The following CILK1 variants were observed in gnomAD, a reference collection of about 807,000 sequenced individuals.
CILK1 encodes the protein ciliogenesis associated kinase 1.
In CILK1, 47 loss-of-function variants were observed where a neutral mutation model predicts 79.2. The ratio of observed to expected loss-of-function variants is 0.59; its 90% CI spans 0.47 to 0.76. The LOEUF is 0.76. Among genes scored for constraint, CILK1 ranks in the 30% least tolerant of loss-of-function variants. CILK1 has a pLI of 0.00. For missense variants in CILK1, 660 were observed against 769.5 expected (o/e 0.86, Z 1.68); for synonymous variants, 266 against 275.9 (o/e 0.96, Z 0.36).
intron 4 of CILK1, among the ~76,000 whole-genome samples, chr6:53,032,055 C>A (rs222453): frequency 0.93 from 141,365 of 152,266 alleles, 65,710 homozygotes; most frequent in East Asian, 1. Flanking sequence ...CTGGTCGTGA[C>A]CTCCTGACCT....
At chr6:53,055,386 T>C (rs754119567) in intron 1 of CILK1, among the ~76,000 whole-genome samples, 5 of 152,230 alleles carry the variant, frequency 3.3e-5, no homozygotes, top group Non-Finnish European at 7.3e-5. Flanking sequence ...TCTGCCTCTG[T>C]ACATTTTAGC....
chr6:53,026,845 T>C (rs1050383744), intron 5 of CILK1, among the ~76,000 whole-genome samples: 1 of 152,224 alleles, frequency 6.6e-6, no homozygotes, highest in Non-Finnish European at 1.5e-5. Context: ...GGAACAGACC[T>C]TCAATTTAAT....
intron 3 of CILK1, among the ~76,000 whole-genome samples, chr6:53,034,007 C>T (rs1043265295): frequency 1.3e-5 from 2 of 152,154 alleles, no homozygotes; most frequent in South Asian, 2.1e-4. Context: ...TTCTTTCGGT[C>T]GGGTTGGATT....
At position 53,052,928 on chromosome 6, in the gene CILK1, G is replaced by C. The variant is rs222447; in HGVS notation, c.-173+8668C>G. ...CCACAGTCCCCATTTTTTGCCTGTT[G>C]CCACTTGCCATTTTTTTTTTTTAGC... is the stretch of plus-strand genomic sequence containing the variant. On this transcript the variant is annotated intron_variant, in intron 1 of 13. Transcript: ENST00000676107. Among the ~76,000 whole-genome samples, 24 of 150,538 alleles carry C rather than the reference G, an allele frequency of 1.6e-4. 1 individual carries two copies.
At chr6:53,013,608 G>A (rs920729247) in intron 9 of CILK1, 54 bp downstream of exon 9, 1 of 1,504,156 alleles carries the variant, frequency 6.6e-7, no homozygotes, top group African/African-American at 1.4e-5. Context: ...CAATAATGGG[G>A]TCAGAAGAGG....
rs543243399 is a variant in CILK1 at position 53,018,459 on chromosome 6, G to A, written c.534C>T (p.Ser178=). The A allele has an allele frequency of 2.9e-4, 466 of 1,614,210 alleles. 6 individuals are homozygous for A. In the South Asian group the frequency reaches 4.9e-3, roughly 17 times the overall value. Residue 178 remains serine (S), a synonymous_variant, in exon 7 of 14, where the codon AGC becomes AGT. Transcript: ENST00000676107. ...CCACCGCCCAGACGTCAATGGGGGA[G>A]CTGTAGTTGGTAGACCTCAGGAGTA... is the stretch of plus-strand genomic sequence containing the variant. The part of the protein sequence containing the change: ...PEVLLRSTNY[S]SPIDVWAVGC...
chr6:53,008,144 T>C (rs1374831275), intron 12 of CILK1, among the ~76,000 whole-genome samples: 2 of 151,454 alleles, frequency 1.3e-5, no homozygotes, highest in South Asian at 2.1e-4. Context: ...TAAATTATGG[T>C]CCACATAAAT....
At position 53,041,209 on chromosome 6, in the gene CILK1, G is replaced by T. The variant is rs1766687785; in HGVS notation, c.28C>A (p.Leu10Ile). MNRYTTIRQ[L>I]GDGTYGSVLL... ...ACGGAACCGTAGGTTCCATCCCCGA[G>T]CTGCCTGATTGTTGTGTATCTATTC... Residue 10 changes from leucine to isoleucine, a missense_variant, in exon 2 of 14, where the codon CTC (leucine) becomes ATC (isoleucine). Coordinates refer to ENST00000676107, the MANE Select transcript of CILK1 (RefSeq NM_014920.5). 1.2e-6 allele frequency: 2 copies of T among 1,613,856 alleles called. No homozygotes were observed. Among genetic ancestry groups the T allele is most frequent in the Non-Finnish European group, 1.7e-6 (2 of 1,179,800 alleles).
Position 53,013,708 on chromosome 6 carries a change from G to A in CILK1, c.1106C>T (p.Pro369Leu), listed in dbSNP as rs779283711. 3.2e-6 allele frequency: 5 copies of A among 1,584,254 alleles called. No homozygotes were observed. Among genetic ancestry groups the A allele is most frequent in the Non-Finnish European group, 4.3e-6 (5 of 1,154,082 alleles). Residue 369 changes from proline to leucine, a missense_variant, in exon 9 of 14, where the codon CCA (proline) becomes CTA (leucine). Coordinates refer to ENST00000676107, the MANE Select transcript of CILK1 (RefSeq NM_014920.5). ...GAGGGATGGGAAAAGCAACGGGCTT[G>A]GCTTGTCCTCCTGGAGATGGCTTGG... ...DHPSHLQEDK[P>L]SPLLFPSLHN...
At position 53,005,205 on chromosome 6, in the gene CILK1, C is replaced by A. The variant is rs55932059; in HGVS notation, c.1843G>T (p.Ala615Ser). The change falls in exon 14 of 14, where the codon GCC becomes TCC. Residue 615 changes from alanine to serine, a missense_variant. Coordinates refer to ENST00000676107, the MANE Select transcript of CILK1 (RefSeq NM_014920.5). ...TPGLIPRPPA[A>S]QPVHGRTDWA... ...TCTGTCCGGCCATGCACTGGCTGGG[C>A]GGCTGGAGGCCGTGGTATCAACCCA... The A allele has an allele frequency of 3.1e-6, 5 of 1,614,082 alleles. No individual in the cohort carries two copies. Among genetic ancestry groups the A allele is most frequent in the Non-Finnish European group, 3.4e-6 (4 of 1,180,002 alleles).
intron 13 of CILK1, 51 bp from the exon 14 acceptor site, chr6:53,005,354 A>G (rs756161017): frequency 1.6e-5 from 25 of 1,597,728 alleles, no homozygotes; most frequent in Non-Finnish European, 1.4e-5. Context: ...CAATGTAAGC[A>G]AAGTACAAAT....
intron 1 of CILK1, among the ~76,000 whole-genome samples, chr6:53,044,566 T>C (rs1467778873): frequency 2.0e-5 from 3 of 152,148 alleles, no homozygotes; most frequent in Non-Finnish European, 4.4e-5. Context: ...AAAAATTTTG[T>C]GTGCATTGCG....
chr6:53,010,691 C>G (rs1186713440), intron 11 of CILK1, among the ~76,000 whole-genome samples: 1 of 152,232 alleles, frequency 6.6e-6, no homozygotes, highest in African/African-American at 2.4e-5. Context: ...CTGCCCTCAG[C>G]TCTCTGCACA....
intron 1 of CILK1, among the ~76,000 whole-genome samples, chr6:53,041,786 G>A (rs895719993): frequency 2.0e-5 from 3 of 152,170 alleles, no homozygotes. Context: ...GTGGGTGTGT[G>A]AATGTGCCCT....
intron 5 of CILK1, among the ~76,000 whole-genome samples, chr6:53,020,469 T>C (rs977712257): frequency 6.6e-6 from 1 of 152,236 alleles, no homozygotes; most frequent in Non-Finnish European, 1.5e-5. Flanking sequence ...GAGTATTCCC[T>C]ACTCTGAAAA....
At chr6:53,012,795 C>A (rs1764653761) in intron 9 of CILK1, among the ~76,000 whole-genome samples, 1 of 152,206 alleles carries the variant, frequency 6.6e-6, no homozygotes, top group African/African-American at 2.4e-5. Context: ...TGGGAGCCAG[C>A]AGTCAGCAAA....
At chr6:53,050,840 T>C (rs1490829480) in intron 1 of CILK1, among the ~76,000 whole-genome samples, 1 of 152,142 alleles carries the variant, frequency 6.6e-6, no homozygotes, top group East Asian at 1.9e-4. Context: ...AAAAAAATTT[T>C]TTTTAATTTA....
chr6:53,048,466 A>G (rs908512934), intron 1 of CILK1, among the ~76,000 whole-genome samples: 1 of 152,240 alleles, frequency 6.6e-6, no homozygotes, highest in Non-Finnish European at 1.5e-5. Flanking sequence ...AGCATTAGAC[A>G]AGAAGCACCA....
intron 1 of CILK1, among the ~76,000 whole-genome samples, chr6:53,053,567 C>T (rs192071220): frequency 1.2e-4 from 19 of 152,220 alleles, no homozygotes; most frequent in East Asian, 7.7e-4. Context: ...CTAGATTATA[C>T]GACTAATGTG....
Sources: gnomAD v4.1 joint callset for allele counts (sites outside exome capture counted in the v4.1 genomes callset) on GRCh38, gnomAD v4.1.1 for gene constraint, MANE v1.5 for transcripts, NCBI Gene and HGNC (gene_info 2026-07-23, HGNC 2026-07-21) for gene names.